WDR41: variants seen among roughly 807,000 people sequenced by gnomAD.
WDR41 encodes WD repeat domain 41.
A neutral mutation model predicts 69.3 loss-of-function variants in WDR41; 63 were observed. That is an observed-to-expected ratio of 0.91 (90% CI 0.74 to 1.12). The LOEUF is 1.12. Among genes scored for constraint, WDR41 ranks in the 50% most tolerant of loss-of-function variants. The pLI is 0.00. For synonymous variants in WDR41, 185 were observed against 192.1 expected (o/e 0.96, Z 0.31); for missense variants, 543 against 534.5 (o/e 1.02, Z -0.16).
chr5:77,531,709 T>G (rs1485312665), intron 1 of WDR41, among the ~76,000 whole-genome samples: 2 of 152,092 alleles, frequency 1.3e-5, no homozygotes, highest in East Asian at 3.9e-4. Flanking sequence ...ATAGCCTAAA[T>G]GTGGTCTATA....
chr5:77,483,411 T>G (rs1481954918), intron 2 of WDR41, among the ~76,000 whole-genome samples: 2 of 151,904 alleles, frequency 1.3e-5, no homozygotes, highest in Non-Finnish European at 2.9e-5. Context: ...AGTGTTAGGA[T>G]TACAGGGCTG....
chr5:77,464,843 C>A (rs1005803778), intron 2 of WDR41, 34 bp from the exon 3 acceptor site: 1 of 1,336,330 alleles, frequency 7.5e-7, no homozygotes, highest in East Asian at 2.3e-5. Flanking sequence ...AAAAAAAAAT[C>A]ACTGGTGACA....
chr5:77,471,201 A>G (rs1800590969), intron 2 of WDR41, among the ~76,000 whole-genome samples: 1 of 152,364 alleles, frequency 6.6e-6, no homozygotes, highest in South Asian at 2.1e-4. Context: ...AAGTGAAGGC[A>G]GAAATAAAGA....
At chr5:77,474,925 G>A (rs1350670224) in intron 2 of WDR41, among the ~76,000 whole-genome samples, 59 of 152,202 alleles carry the variant, frequency 3.9e-4, no homozygotes, top group Admixed American at 3.7e-3. Flanking sequence ...TCACTAGGGA[G>A]TGCCAGACAG....
intron 1 of WDR41, among the ~76,000 whole-genome samples, chr5:77,556,651 T>G (rs777704292): frequency 1.2e-4 from 19 of 152,114 alleles, no homozygotes; most frequent in Non-Finnish European, 2.4e-4. Flanking sequence ...AAAAGTGAAA[T>G]TGGGTCTTAT....
chr5:77,433,872 C>T (rs1798828146), intron 12 of WDR41, among the ~76,000 whole-genome samples: 1 of 152,066 alleles, frequency 6.6e-6, no homozygotes. Flanking sequence ...AGAAAATGCC[C>T]CAAGTAAGGG....
intron 5 of WDR41, 111 bp downstream of exon 5, chr5:77,458,950 GA>G: frequency 1.4e-6 from 1 of 713,010 alleles, no homozygotes; most frequent in Non-Finnish European, 2.4e-6. Flanking sequence ...CAAGTGTGTG[GA>G]AAGAAATAAT....
At chr5:77,578,796 A>G (rs1162568847) in intron 1 of WDR41, among the ~76,000 whole-genome samples, 1 of 148,798 alleles carries the variant, frequency 6.7e-6, no homozygotes, top group Non-Finnish European at 1.5e-5. Context: ...CCCAGGAGGC[A>G]GAGGTTGCAG....
At chr5:77,475,009 T>A (rs983335682) in intron 2 of WDR41, among the ~76,000 whole-genome samples, 3 of 152,108 alleles carry the variant, frequency 2.0e-5, no homozygotes, top group African/African-American at 7.2e-5. Flanking sequence ...CTCGGGAAGC[T>A]CAAGGGGTCA....
At chr5:77,583,216 T>G in intron 1 of WDR41, 16 of 713,290 alleles carry the variant, frequency 2.2e-5, no homozygotes, top group Non-Finnish European at 3.4e-5. Flanking sequence ...GAGGTTGAAT[T>G]AGTAATTAAA....
chr5:77,469,189 G>A (rs896587472), intron 2 of WDR41, among the ~76,000 whole-genome samples: 3 of 151,908 alleles, frequency 2.0e-5, no homozygotes, highest in African/African-American at 7.3e-5. Context: ...GGGAACTGAA[G>A]AATGAGAACA....
chr5:77,514,033 C>T (rs950557280), intron 1 of WDR41, among the ~76,000 whole-genome samples: 2 of 151,956 alleles, frequency 1.3e-5, no homozygotes, highest in Admixed American at 1.3e-4. Flanking sequence ...ATGTGTTATG[C>T]TGATTGTTTT....
chr5:77,493,156 G>T (rs1172638124), upstream of WDR41, among the ~76,000 whole-genome samples: 2 of 152,132 alleles, frequency 1.3e-5, no homozygotes, highest in African/African-American at 4.8e-5. Context: ...TGGTTGGGAC[G>T]TAGGAATCGG....
chr5:77,526,634 A>G (rs993558858), intron 1 of WDR41, among the ~76,000 whole-genome samples: 4 of 152,104 alleles, frequency 2.6e-5, no homozygotes, highest in African/African-American at 9.7e-5. Flanking sequence ...CACTTCAATG[A>G]TTACTACAGA....
At chr5:77,450,842 G>A (rs1799599431) in intron 7 of WDR41, among the ~76,000 whole-genome samples, 1 of 152,158 alleles carries the variant, frequency 6.6e-6, no homozygotes, top group South Asian at 2.1e-4. Flanking sequence ...GTCATGCCAT[G>A]CTTCTTTCTG....
At chr5:77,509,609 C>T (rs1802168362) in intron 1 of WDR41, among the ~76,000 whole-genome samples, 1 of 152,128 alleles carries the variant, frequency 6.6e-6, no homozygotes. Context: ...AGACCACATG[C>T]TATGATTTCA....
At chr5:77,436,192 C>T (rs928079446) in intron 12 of WDR41, 69 bp downstream of exon 12, 29 of 1,563,326 alleles carry the variant, frequency 1.9e-5, no homozygotes, top group Middle Eastern at 1.7e-4. Context: ...ATGAGATCAA[C>T]TGAAAGAAAA....
rs573875189 is a variant in WDR41, at chr5:77,523,100, G to T, written c.43-33528C>A. On this transcript the variant is annotated intron_variant, in intron 1 of 5. Coordinates refer to the WDR41 transcript ENST00000509971. ...AGGCTGAGGCAGGTGGATCACCTGA[G>T]GTCAGGAGTTTGAGACCAACCTGGC... is the stretch of plus-strand genomic sequence containing the variant. 2.6e-5 allele frequency among the ~76,000 whole-genome samples: 4 copies of T among 152,114 alleles called. No homozygotes were observed. The East Asian group carries it at 7.8e-4, about 30-fold the overall frequency.
At chr5:77,492,019 A>G in intron 1 of WDR41, 151 bp downstream of exon 1, 1 of 998,374 alleles carries the variant, frequency 1.0e-6, no homozygotes, top group Non-Finnish European at 1.4e-6. Flanking sequence ...CTCCGCCCCC[A>G]CCGTCGTGAG....
Sources: gnomAD v4.1 joint callset for allele counts (sites outside exome capture counted in the v4.1 genomes callset) on GRCh38, gnomAD v4.1.1 for gene constraint, MANE v1.5 for transcripts, NCBI Gene and HGNC (gene_info 2026-07-23, HGNC 2026-07-21) for gene names.